The following PIK3R1 variants were observed in gnomAD, a reference collection of about 807,000 sequenced individuals.
PIK3R1 encodes the protein phosphatidylinositol 3-kinase regulatory subunit alpha.
In PIK3R1, 29 loss-of-function variants were observed where a neutral mutation model predicts 98.0. The observed-to-expected ratio is 0.30, with a 90% confidence interval of 0.22 to 0.40. The LOEUF (loss-of-function observed/expected upper bound fraction) is 0.40, where lower values mean the gene tolerates loss of function less well. PIK3R1 is among the 10% of genes least tolerant of loss of function. The pLI is 1.00. For missense variants in PIK3R1, 596 were observed against 872.7 expected (o/e 0.68, Z 3.99); for synonymous variants, 282 against 311.8 (o/e 0.90, Z 1.01).
At chr5:68,276,715 A>G (rs758390483) in intron 4 of PIK3R1, among the ~76,000 whole-genome samples, 2 of 152,246 alleles carry the variant, frequency 1.3e-5, no homozygotes, top group Non-Finnish European at 2.9e-5. Flanking sequence ...AGAATTTGAC[A>G]TAAGGTAAGG....
chr5:68,252,601 G>T (rs1745358772), intron 2 of PIK3R1, among the ~76,000 whole-genome samples: 1 of 152,202 alleles, frequency 6.6e-6, no homozygotes, highest in South Asian at 2.1e-4. Flanking sequence ...AATTGTAGAA[G>T]TTATTAGAAG....
At chr5:68,280,394 G>A (rs1746779239) in intron 5 of PIK3R1, 134 bp from the exon 6 acceptor site, 1 of 676,694 alleles carries the variant, frequency 1.5e-6, no homozygotes. Flanking sequence ...AATGTACTGT[G>A]TGCTTCTCCC....
chr5:68,242,680 T>C (rs1442873753), intron 2 of PIK3R1, among the ~76,000 whole-genome samples: 2 of 152,184 alleles, frequency 1.3e-5, no homozygotes, highest in African/African-American at 4.8e-5. Flanking sequence ...GGAGGTATGC[T>C]GAGTTGAACG....
intron 2 of PIK3R1, among the ~76,000 whole-genome samples, chr5:68,240,440 G>C (rs1317910344): frequency 1.3e-5 from 2 of 152,214 alleles, no homozygotes; most frequent in Non-Finnish European, 2.9e-5. Context: ...AAACATATTG[G>C]AGCATAAAAT....
intron 2 of PIK3R1, among the ~76,000 whole-genome samples, chr5:68,257,874 A>G (rs1745584725): frequency 6.6e-6 from 1 of 152,198 alleles, no homozygotes. Context: ...CCTTTTAGCT[A>G]TTTATAATGT....
At chr5:68,288,534 G>T in intron 7 of PIK3R1, 1 of 1,397,632 alleles carries the variant, frequency 7.2e-7, no homozygotes, top group Non-Finnish European at 9.3e-7. Context: ...GAGCCAAGCG[G>T]AGCTGGGCCA....
chr5:68,288,357 A>C lies in PIK3R1; in HGVS notation c.917-3902A>C, dbSNP rs375323656. On this transcript the variant is annotated intron_variant, in intron 7 of 15. Coordinates refer to ENST00000521381, the MANE Select transcript of PIK3R1 (RefSeq NM_181523.3). The stretch of plus-strand genomic sequence containing the variant: ...ATATTTGAACCTGCCCAAGTTAATC[A>C]TGAAGCTGCGATCTTTATCTAAGGG... The C allele has an allele frequency of 1.0e-4, 107 of 1,020,204 alleles. No homozygotes were observed. In the African/African-American group the frequency reaches 1.8e-3, roughly 17 times the overall value. 63.2% of individuals were successfully genotyped at this position (1,020,204 alleles called of 1,614,324 possible).
chr5:68,301,050 C>A lies in PIK3R1; in HGVS notation c.*3449C>A, dbSNP rs1748015213. The A allele has an allele frequency of 4.3e-6, 1 of 231,904 alleles. No homozygotes were observed. The highest frequency in any genetic ancestry group is 5.6e-5 in the Admixed American group (1 of 17,714). The allele number at this position is 231,904 out of a possible 1,614,324, so 14.4% of individuals were successfully genotyped here. ...CTGATGTTCCTTTGGAAGAAAAAAT[C>A]TGCTGGTTTTAACAACTGTGCTTTT... On this transcript the variant is annotated 3_prime_UTR_variant, in exon 16 of 16. Transcript: ENST00000521381.
At chr5:68,297,268 G>A (rs2112289285) in intron 15 of PIK3R1, 144 bp from the exon 16 acceptor site, 1 of 618,170 alleles carries the variant, frequency 1.6e-6, no homozygotes, top group Admixed American at 3.0e-5. Flanking sequence ...CCTACCCAAG[G>A]CACTCGGCCA....
intron 2 of PIK3R1, among the ~76,000 whole-genome samples, chr5:68,260,879 A>G (rs1053464505): frequency 2.6e-5 from 4 of 152,252 alleles, no homozygotes; most frequent in African/African-American, 9.6e-5. Flanking sequence ...TTAGATCCAC[A>G]TACAGAAGTC....
chr5:68,240,932 A>G (rs779687585), intron 2 of PIK3R1, among the ~76,000 whole-genome samples: 10 of 151,948 alleles, frequency 6.6e-5, no homozygotes, highest in Admixed American at 4.6e-4. Flanking sequence ...CACTCATTCT[A>G]TTTTCTAGTG....
At position 68,226,817 on chromosome 5, in the gene PIK3R1, G is replaced by A. The variant is rs774143442; in HGVS notation, c.142G>A (p.Ala48Thr). 10 of 1,614,154 alleles carry A rather than the reference G, an allele frequency of 6.2e-6. No individual in the cohort carries two copies. Among genetic ancestry groups the A allele is most frequent in the Non-Finnish European group, 5.1e-6 (6 of 1,180,024 alleles). ...VALGFSDGQE[A>T]RPEEIGWLNG... ...TCTTGGATTCAGTGATGGACAGGAAGCCAGGCCTGAAGAAATTGGCTGGTT... is the reference window on the plus strand; with the variant it reads ...TCTTGGATTCAGTGATGGACAGGAAACCAGGCCTGAAGAAATTGGCTGGTT... The change falls in exon 2 of 16, where the codon GCC (alanine) becomes ACC (threonine). Residue 48 changes from alanine to threonine, a missense_variant. Coordinates refer to ENST00000521381, the MANE Select transcript of PIK3R1 (RefSeq NM_181523.3).
intron 1 of PIK3R1, among the ~76,000 whole-genome samples, chr5:68,224,285 A>G (rs1270473731): frequency 3.3e-5 from 5 of 152,348 alleles, no homozygotes; most frequent in Admixed American, 1.3e-4. Context: ...TGAATATTCA[A>G]TTTGATTCTG....
chr5:68,263,813 CTTGCCTTTA>C (rs1057345269), intron 2 of PIK3R1, among the ~76,000 whole-genome samples: 4 of 152,128 alleles, frequency 2.6e-5, no homozygotes, highest in Non-Finnish European at 5.9e-5. Context: ...TCTTGCCTTT[CTTGCCTTTA>C]TTTTTCTCTG....
chr5:68,267,506 T>C (rs1475606172), intron 2 of PIK3R1, among the ~76,000 whole-genome samples: 1 of 152,240 alleles, frequency 6.6e-6, no homozygotes, highest in African/African-American at 2.4e-5. Context: ...TGCAAACTTC[T>C]AGTTTAAATC....
intron 7 of PIK3R1, among the ~76,000 whole-genome samples, chr5:68,287,163 A>G (rs1747111530): frequency 6.6e-6 from 1 of 152,232 alleles, no homozygotes; most frequent in African/African-American, 2.4e-5. Context: ...TGAGGGTATT[A>G]TTGAAAGAAC....
At chr5:68,294,747 G>A (rs1747600492) in intron 12 of PIK3R1, 69 bp downstream of exon 12, 11 of 1,244,750 alleles carry the variant, frequency 8.8e-6, no homozygotes, top group East Asian at 3.0e-5. Context: ...AGATGATCTC[G>A]CTTTCTGTGC....
intron 2 of PIK3R1, among the ~76,000 whole-genome samples, chr5:68,255,102 G>A (rs1343299519): frequency 6.6e-6 from 1 of 152,164 alleles, no homozygotes; most frequent in Non-Finnish European, 1.5e-5. Flanking sequence ...TTGCTCCAGG[G>A]CTTTATTAGA....
intron 2 of PIK3R1, among the ~76,000 whole-genome samples, chr5:68,237,364 A>G (rs1321184242): frequency 6.6e-6 from 1 of 152,222 alleles, no homozygotes; most frequent in Non-Finnish European, 1.5e-5. Flanking sequence ...CATATTTCTC[A>G]GGAAAGTTGG....
Sources: allele counts gnomAD v4.1 joint callset (sites outside exome capture counted in the v4.1 genomes callset), GRCh38; gene constraint gnomAD v4.1.1; transcripts MANE v1.5; gene names NCBI Gene and HGNC (gene_info 2026-07-23, HGNC 2026-07-21).